Variants in SRRM1 observed in about 807,000 individuals in gnomAD.
SRRM1 encodes serine/arginine repetitive matrix protein 1.
Under a neutral mutation model 110.2 loss-of-function variants are expected in SRRM1, and 19 were observed. The ratio of observed to expected loss-of-function variants is 0.17; its 90% CI spans 0.12 to 0.25. The LOEUF (loss-of-function observed/expected upper bound fraction) is 0.25. Among genes scored for constraint, SRRM1 ranks in the 10% least tolerant of loss-of-function variants. SRRM1 has a pLI of 1.00. For synonymous variants in SRRM1, 443 were observed against 414.9 expected, an observed-to-expected ratio of 1.07 and a Z score of -0.82; for missense variants, 918 against 1,145.8, an observed-to-expected ratio of 0.80 and a Z score of 2.87.
rs1655245348 is a variant in SRRM1 at position 24,643,635 on chromosome 1, G to C, written c.21+288G>C. The C allele has an allele frequency of 2.1e-5, 8 of 386,176 alleles. No homozygotes were observed. In the East Asian group the frequency reaches 3.1e-4, roughly 15 times the overall value. The allele number at this position is 386,176 out of a possible 1,614,324, so 23.9% of individuals were successfully genotyped here. ...TACCTCGCTGCCCGCCTGCCTGGCG[G>C]GGCCTGCAGGCCGAGCGCCGTGCGT... On this transcript the variant is annotated intron_variant, in intron 1 of 16. Transcript: ENST00000323848.
At position 24,669,386 on chromosome 1, in the gene SRRM1, G is replaced by A. The variant is rs147133886; in HGVS notation, c.2003G>A (p.Arg668His). The A allele has an allele frequency of 1.8e-4, 291 of 1,613,930 alleles. 1 individual carries two copies. The highest frequency in any genetic ancestry group is 2.3e-4 in the Non-Finnish European group (276 of 1,180,020). ...SKHRKGSSPS[R>H]STREARSPQP... ...CATAGGAAAGGGTCTTCCCCAAGCC[G>A]CTCTACCCGGGAGGCCCGATCACCA... is the stretch of plus-strand genomic sequence containing the variant. The change falls in exon 14 of 17, where the codon CGC (arginine) becomes CAC (histidine). Residue 668 changes from arginine (R) to histidine (H), a missense_variant. By Grantham distance (29) the Arg-to-His change is conservative. Coordinates refer to ENST00000323848, the MANE Select transcript of SRRM1 (RefSeq NM_005839.4).
intron 9 of SRRM1, among the ~76,000 whole-genome samples, chr1:24,655,540 C>T (rs549725113): frequency 6.6e-6 from 1 of 151,966 alleles, no homozygotes; most frequent in African/African-American, 2.4e-5. Flanking sequence ...CTTTCTTGGT[C>T]GCATTGCGCT....
Position 24,648,856 on chromosome 1 carries a change from C to T in SRRM1, c.235-3C>T, listed in dbSNP as rs1658969529. ...TTTTTCTTCCTGTCGTGTCTTTTTGCAGAATCCAGACTCCAAAATGATGCA... is the reference window on the plus strand; with the variant it reads ...TTTTTCTTCCTGTCGTGTCTTTTTGTAGAATCCAGACTCCAAAATGATGCA... On this transcript the variant is annotated splice_region_variant and splice_polypyrimidine_tract_variant and intron_variant, in intron 3 of 16. Coordinates refer to ENST00000323848, the MANE Select transcript of SRRM1 (RefSeq NM_005839.4). The T allele has an allele frequency of 1.2e-6, 2 of 1,605,900 alleles. No individual in the cohort carries two copies. The highest frequency in any genetic ancestry group is 2.7e-5 in the African/African-American group (2 of 74,198).
At chr1:24,668,599 G>T (rs1336828781) in intron 13 of SRRM1, among the ~76,000 whole-genome samples, 5 of 152,176 alleles carry the variant, frequency 3.3e-5, no homozygotes, top group African/African-American at 1.2e-4. Flanking sequence ...GTCTCTTTGA[G>T]GGGAGGTAGA....
intron 10 of SRRM1, 114 bp downstream of exon 10, chr1:24,660,913 G>A: frequency 1.5e-6 from 1 of 675,532 alleles, no homozygotes; most frequent in Non-Finnish European, 2.5e-6. Context: ...ATTAAGTATA[G>A]GGTAAGAGCT....
intron 10 of SRRM1, 142 bp downstream of exon 10, chr1:24,660,941 C>G: frequency 1.8e-6 from 1 of 558,184 alleles, no homozygotes; most frequent in Non-Finnish European, 3.2e-6. Flanking sequence ...TGAAGGCAGA[C>G]AGACTTGGGT....
intron 12 of SRRM1, 24 bp downstream of exon 12, chr1:24,662,828 T>G: frequency 6.2e-7 from 1 of 1,609,754 alleles, no homozygotes; most frequent in Non-Finnish European, 8.5e-7. Flanking sequence ...TTCAGTGATG[T>G]TCACTGATGT....
chr1:24,655,008 G>T lies in SRRM1; in HGVS notation c.1194G>T (p.Arg398Ser), dbSNP rs772058114. The change falls in exon 9 of 17, where the codon AGG becomes AGT. Residue 398 changes from arginine to serine, a missense_variant. Coordinates refer to ENST00000323848, the MANE Select transcript of SRRM1 (RefSeq NM_005839.4). ...CTTCAGCAAGTCCTCCAAGGCGAAG[G>T]CACAGGCCATCACCTCCTGCAACTC... ...LSPSASPPRR[R>S]HRPSPPATPP... 2 of 1,614,096 alleles carry T rather than the reference G, an allele frequency of 1.2e-6. No individual in the cohort carries two copies. The highest frequency in any genetic ancestry group is 1.7e-5 in the Admixed American group (1 of 60,008).
intron 7 of SRRM1, 93 bp from the exon 8 acceptor site, chr1:24,652,820 A>G: frequency 6.8e-7 from 1 of 1,475,610 alleles, no homozygotes; most frequent in Non-Finnish European, 9.1e-7. Flanking sequence ...TGATCTTTGA[A>G]ATTTATTTTT....
At position 24,671,327 on chromosome 1, in the gene SRRM1, G is replaced by T; in HGVS notation, c.2401-59G>T. ...ATTTGAGGAAATAAAATGTTCAGTT[G>T]GACAGAATATTAATCAGATTGATTA... On this transcript the variant is annotated intron_variant, in intron 15 of 16. Transcript: ENST00000323848. 4.8e-6 allele frequency: 7 copies of T among 1,457,514 alleles called. No homozygotes were observed. In the South Asian group the frequency reaches 5.2e-5, roughly 11 times the overall value. 90.3% of individuals were successfully genotyped at this position (1,457,514 alleles called of 1,614,324 possible).
At chr1:24,658,432 C>T (rs1314370004) in intron 9 of SRRM1, among the ~76,000 whole-genome samples, 2 of 152,142 alleles carry the variant, frequency 1.3e-5, no homozygotes, top group African/African-American at 2.4e-5. Flanking sequence ...GAAATTGAAT[C>T]AGGATGCAAC....
chr1:24,651,337 C>T, intron 5 of SRRM1, 72 bp from the exon 6 acceptor site: 1 of 1,234,288 alleles, frequency 8.1e-7, no homozygotes, highest in Non-Finnish European at 1.2e-6. Flanking sequence ...GATTAATCCT[C>T]ACTTCTCCCT....
intron 13 of SRRM1, among the ~76,000 whole-genome samples, chr1:24,668,090 G>A (rs1670959580): frequency 6.8e-6 from 1 of 146,854 alleles, no homozygotes; most frequent in Non-Finnish European, 1.5e-5. Context: ...TCCTGCCTCA[G>A]CCTCCCGAGT....
At chr1:24,654,261 A>C in intron 8 of SRRM1, 1 of 1,277,968 alleles carries the variant, frequency 7.8e-7, no homozygotes, top group Non-Finnish European at 1.0e-6. Context: ...ATTCCCTTTC[A>C]GCCAGTTTTT....
At chr1:24,652,081 A>G (rs534844664) in intron 6 of SRRM1, among the ~76,000 whole-genome samples, 1 of 110,268 alleles carries the variant, frequency 9.1e-6, no homozygotes, top group Admixed American at 9.4e-5. Context: ...CACACACACA[A>G]ATTAGCCGGG....
At chr1:24,650,123 G>C in intron 5 of SRRM1, 37 bp downstream of exon 5, 1 of 1,478,786 alleles carries the variant, frequency 6.8e-7, no homozygotes, top group Non-Finnish European at 9.0e-7. Flanking sequence ...TGTTTTACAG[G>C]TACTTTAGGT....
intron 1 of SRRM1, among the ~76,000 whole-genome samples, chr1:24,644,385 A>T (rs1249587456): frequency 6.6e-6 from 1 of 152,160 alleles, no homozygotes; most frequent in Non-Finnish European, 1.5e-5. Context: ...AAACTAGTTG[A>T]TCTAAGCCAA....
chr1:24,666,763 A>T, intron 12 of SRRM1, 52 bp from the exon 13 acceptor site: 2 of 1,399,706 alleles, frequency 1.4e-6, no homozygotes, highest in Non-Finnish European at 2.0e-6. Context: ...AGACGCCATC[A>T]CACACACACA....
At chr1:24,661,936 A>G (rs934820147) in intron 11 of SRRM1, among the ~76,000 whole-genome samples, 1 of 152,034 alleles carries the variant, frequency 6.6e-6, no homozygotes, top group East Asian at 1.9e-4. Context: ...AAATACAAAA[A>G]TTAACCGGGC....
Sources: allele counts gnomAD v4.1 joint callset (sites outside exome capture counted in the v4.1 genomes callset), GRCh38; gene constraint gnomAD v4.1.1; transcripts MANE v1.5; gene names NCBI Gene and HGNC (gene_info 2026-07-23, HGNC 2026-07-21).